Variants in TTC28 observed in about 807,000 individuals in gnomAD.
The protein encoded by TTC28 is tetratricopeptide repeat protein 28.
A neutral mutation model predicts 198.0 loss-of-function variants in TTC28; 61 were observed. The ratio of observed to expected loss-of-function variants is 0.31; its 90% CI spans 0.25 to 0.38. The LOEUF is 0.38. Among genes scored for constraint, TTC28 ranks in the 10% least tolerant of loss-of-function variants. TTC28 has a pLI of 1.00. For synonymous variants in TTC28, 1,171 were observed against 1,297.8 expected (o/e 0.90, Z 2.10); for missense variants, 2,678 against 3,164.0 (o/e 0.85, Z 3.69).
rs747852832 is a variant in TTC28, at chr22:27,996,255, G to T, written c.5124C>A (p.Phe1708Leu). The T allele has an allele frequency of 3.2e-6, 5 of 1,550,792 alleles. No individual in the cohort carries two copies. In the South Asian group the frequency reaches 5.9e-5, roughly 18 times the overall value. The stretch of plus-strand genomic sequence containing the variant: ...GCTTAACGTCACTCCCGATGAGCAT[G>T]AACCCTGCAGAAAGCAAAGGAGGGC... ...AFSHPSNWAG[F>L]MLIGSDVKLN... Residue 1708 changes from phenylalanine (F) to leucine (L), a missense_variant, in exon 17 of 23, where the codon TTC (phenylalanine) becomes TTA (leucine). By Grantham distance (22) the Phe-to-Leu change is conservative. Transcript: ENST00000397906.
chr22:27,989,606 C>T (rs1937327022), intron 21 of TTC28, among the ~76,000 whole-genome samples: 1 of 151,886 alleles, frequency 6.6e-6, no homozygotes, highest in African/African-American at 2.4e-5. Context: ...ACCACCATGC[C>T]CGGCTAATTT....
At chr22:28,289,527 G>A (rs1247803978) in intron 5 of TTC28, among the ~76,000 whole-genome samples, 2 of 152,054 alleles carry the variant, frequency 1.3e-5, no homozygotes, top group Non-Finnish European at 2.9e-5. Context: ...AAGCATCTGA[G>A]AGCAACAGTA....
chr22:27,982,883 T>C lies in TTC28; in HGVS notation c.6784A>G (p.Ser2262Gly). The stretch of plus-strand genomic sequence containing the variant: ...GGCCGGCCACTGTGCTGGCTCGGGC[T>C]GTCTTTGATGGACATCTCTGAGGTG... ...PTTSEMSIKD[S>G]PSQHSGRPSP... The change falls in exon 23 of 23, where the codon AGC becomes GGC. Residue 2262 changes from serine to glycine, a missense_variant. By Grantham distance (56) the Ser-to-Gly change is moderately conservative. This residue lies in a region of TTC28 where 622 missense variants were observed against 656.0 expected (regional missense o/e 0.95). Transcript: ENST00000397906. The surrounding 1 kb of genome is among the most constrained non-coding windows in gnomAD (Gnocchi z 5.2). 6.4e-7 allele frequency: 1 copy of C among 1,550,914 alleles called. No individual in the cohort carries two copies. The highest frequency in any genetic ancestry group is 8.7e-7 in the Non-Finnish European group (1 of 1,146,404).
intron 2 of TTC28, among the ~76,000 whole-genome samples, chr22:28,411,275 T>C (rs2047077536): frequency 6.6e-6 from 1 of 152,168 alleles, no homozygotes; most frequent in East Asian, 1.9e-4. Flanking sequence ...ACAGAAACAC[T>C]TGGAGATCCT....
chr22:28,433,768 G>A (rs1487875063), intron 2 of TTC28, among the ~76,000 whole-genome samples: 1 of 151,996 alleles, frequency 6.6e-6, no homozygotes, highest in African/African-American at 2.4e-5. Flanking sequence ...CTTCCACCAT[G>A]GTTTTGTATT....
At chr22:28,276,656 A>C (rs1045216094) in intron 5 of TTC28, among the ~76,000 whole-genome samples, 16 of 152,256 alleles carry the variant, frequency 1.1e-4, no homozygotes, top group Middle Eastern at 3.4e-3. Context: ...TATGCTAAAC[A>C]CTGTGCTAAA....
At chr22:28,549,194 A>AT (rs1300850231) in intron 2 of TTC28, among the ~76,000 whole-genome samples, 5 of 151,344 alleles carry the variant, frequency 3.3e-5, no homozygotes, top group East Asian at 1.9e-4. Flanking sequence ...CACCCAGCTA[A>AT]TTTTTTTTAT....
At chr22:28,369,702 G>A (rs2046301568) in intron 2 of TTC28, among the ~76,000 whole-genome samples, 1 of 152,012 alleles carries the variant, frequency 6.6e-6, no homozygotes, top group East Asian at 1.9e-4. Flanking sequence ...GTTTACAGAA[G>A]TAAACAAAAT....
At chr22:28,624,377 CAA>C (rs879851127) in intron 2 of TTC28, among the ~76,000 whole-genome samples, 2 of 135,052 alleles carry the variant, frequency 1.5e-5, no homozygotes, top group African/African-American at 2.7e-5. Context: ...GACTCTGTCT[CAA>C]AAAAAAAAAA....
At chr22:28,583,500 A>C (rs566617090) in intron 2 of TTC28, among the ~76,000 whole-genome samples, 65 of 152,308 alleles carry the variant, frequency 4.3e-4, no homozygotes, top group African/African-American at 1.3e-3. Flanking sequence ...TACTAAGAAA[A>C]CAACACAGTT....
At chr22:28,486,479 C>T (rs149822391) in intron 2 of TTC28, among the ~76,000 whole-genome samples, 20 of 151,818 alleles carry the variant, frequency 1.3e-4, no homozygotes, top group African/African-American at 4.6e-4. Context: ...TAACCATTTG[C>T]AGACTGCCAA....
chr22:28,543,116 C>T (rs1487603750), intron 2 of TTC28, among the ~76,000 whole-genome samples: 1 of 152,172 alleles, frequency 6.6e-6, no homozygotes, highest in African/African-American at 2.4e-5. Context: ...GTGAGGACTG[C>T]TTGAGTCCAC....
chr22:28,673,364 C>T (rs576405432), intron 1 of TTC28, among the ~76,000 whole-genome samples: 3 of 151,536 alleles, frequency 2.0e-5, no homozygotes, highest in South Asian at 4.2e-4. Flanking sequence ...ACAGAGACTC[C>T]GTCTCAAAAA....
chr22:28,314,660 G>GTTGCTCCTATTCGGCCATC (rs1475682359), intron 2 of TTC28, among the ~76,000 whole-genome samples: 1 of 152,074 alleles, frequency 6.6e-6, no homozygotes, highest in African/African-American at 2.4e-5. Context: ...GCAGACTGGA[G>GTTGCTCCTATTCGGCCATC]TTGCTCCTAT....
Position 28,192,709 on chromosome 22 carries a change from G to C in TTC28, c.934-29110C>G, listed in dbSNP as rs138140352. On this transcript the variant is annotated intron_variant, in intron 5 of 22. Transcript: ENST00000397906. ...GGGTATCAGTGATGGAAGAGCGAAT[G>C]AATGAAATGAAGCAAGAAGAGAAGT... is the stretch of plus-strand genomic sequence containing the variant. Among the ~76,000 whole-genome samples, 189 of 152,188 alleles carry C rather than the reference G, an allele frequency of 1.2e-3. 1 individual carries two copies. Among genetic ancestry groups the C allele is most frequent in the African/African-American group, 3.4e-3 (140 of 41,508 alleles).
intron 5 of TTC28, among the ~76,000 whole-genome samples, chr22:28,201,853 A>C (rs1472920974): frequency 6.6e-6 from 1 of 152,010 alleles, no homozygotes; most frequent in Non-Finnish European, 1.5e-5. Context: ...TACAGCCTGA[A>C]CAGGGGTGAT....
intron 2 of TTC28, among the ~76,000 whole-genome samples, chr22:28,539,067 G>A (rs902772743): frequency 3.3e-5 from 5 of 152,210 alleles, no homozygotes; most frequent in Admixed American, 6.5e-5. Context: ...TAGACTGCCT[G>A]TTGACAGGCC....
At chr22:28,620,517 A>C (rs534784729) in intron 2 of TTC28, among the ~76,000 whole-genome samples, 1 of 152,230 alleles carries the variant, frequency 6.6e-6, no homozygotes, top group Non-Finnish European at 1.5e-5. Flanking sequence ...CTTTCAATGG[A>C]AATTTTAAAC....
intron 5 of TTC28, among the ~76,000 whole-genome samples, chr22:28,268,555 G>C (rs895150847): frequency 6.6e-6 from 1 of 152,182 alleles, no homozygotes; most frequent in Non-Finnish European, 1.5e-5. Context: ...ACCAGAGCAG[G>C]CTCTGTGACA....
Sources: allele counts gnomAD v4.1 joint callset (sites outside exome capture counted in the v4.1 genomes callset), GRCh38; gene constraint gnomAD v4.1.1; regional missense constraint gnomAD v4.1.1; non-coding constraint Gnocchi (gnomAD v3.1); transcripts MANE v1.5; gene names NCBI Gene and HGNC (gene_info 2026-07-23, HGNC 2026-07-21).